PLXDC1: variants seen among roughly 807,000 people sequenced by gnomAD.
The protein encoded by PLXDC1 is plexin domain-containing protein 1.
Under a neutral mutation model 61.3 loss-of-function variants are expected in PLXDC1, and 39 were observed. The observed-to-expected ratio is 0.64, with a 90% CI of 0.49 to 0.83. The LOEUF (loss-of-function observed/expected upper bound fraction) is 0.83. Among genes scored for constraint, PLXDC1 ranks in the 40% least tolerant of loss-of-function variants. The pLI is 0.00. For missense variants in PLXDC1, 596 were observed against 666.5 expected, an observed-to-expected ratio of 0.89 and a Z score of 1.17; for synonymous variants, 212 against 254.5, an observed-to-expected ratio of 0.83 and a Z score of 1.59.
chr17:39,107,057 C>T lies in PLXDC1; in HGVS notation c.711+350G>A, dbSNP rs1910619701. ...CTCTCCTAGAACATACTTCACTCTC[C>T]TCTTTGCTTCCTGAACTCGTATTTA... On this transcript the variant is annotated intron_variant, in intron 6 of 13. Transcript: ENST00000315392. Among the ~76,000 whole-genome samples, 6 of 152,350 alleles carry T rather than the reference C, an allele frequency of 3.9e-5. No individual in the cohort carries two copies. In the South Asian group the frequency reaches 1.2e-3, roughly 32 times the overall value.
intron 7 of PLXDC1, among the ~76,000 whole-genome samples, chr17:39,105,155 T>G (rs1473545770): frequency 6.6e-6 from 1 of 152,080 alleles, no homozygotes; most frequent in Non-Finnish European, 1.5e-5. Context: ...GCAGAACTTG[T>G]GCATACGGCT....
At position 39,067,571 on chromosome 17, in the gene PLXDC1, A is replaced by T. The variant is rs1194090214; in HGVS notation, c.*269T>A. 4 of 338,678 alleles carry T rather than the reference A, an allele frequency of 1.2e-5. No homozygotes were observed. Among genetic ancestry groups the T allele is most frequent in the Non-Finnish European group, 2.2e-5 (4 of 185,694 alleles). The allele number at this position is 338,678 out of a possible 1,614,324, so 21.0% of individuals were successfully genotyped here. ...GTTATGTTAGTTCTTCTGCTGTTTC[A>T]TGGTTACAAGACACAGAAGAGAACC... is the stretch of plus-strand genomic sequence containing the variant. On this transcript the variant is annotated 3_prime_UTR_variant, in exon 14 of 14. Transcript: ENST00000315392.
intron 12 of PLXDC1, among the ~76,000 whole-genome samples, chr17:39,070,956 C>T (rs1694112939): frequency 1.3e-5 from 2 of 152,142 alleles, no homozygotes; most frequent in Non-Finnish European, 2.9e-5. Flanking sequence ...CCAGCATGGG[C>T]GATAGAGTGA....
chr17:39,152,654 A>G, upstream of PLXDC1: 1 of 1,239,886 alleles, frequency 8.1e-7, no homozygotes. Flanking sequence ...AACCGCGGAG[A>G]GGAAGGGTGC....
Position 39,077,940 on chromosome 17 carries a change from GGGA to G in PLXDC1, c.1156_1158del (p.Ser386del). On this transcript the variant is annotated inframe_deletion, in exon 11 of 14. Coordinates refer to ENST00000315392, the MANE Select transcript of PLXDC1 (RefSeq NM_020405.5). ...TCTGTGGTGAGGCTGTCGATGAAGA[GGGA>G]GGAGGAGGTAGTGGTGAGGTCTCCA... 1.2e-6 allele frequency: 2 copies of G among 1,614,128 alleles called. No homozygotes were observed. The highest frequency in any genetic ancestry group is 1.7e-6 in the Non-Finnish European group (2 of 1,179,968).
chr17:39,107,393 C>A lies in PLXDC1; in HGVS notation c.711+14G>T. 6.7e-7 allele frequency: 1 copy of A among 1,496,336 alleles called. No homozygotes were observed. Among genetic ancestry groups the A allele is most frequent in the Non-Finnish European group, 9.2e-7 (1 of 1,086,604 alleles). 92.7% of individuals were successfully genotyped at this position (1,496,336 alleles called of 1,614,324 possible). ...CTCCAAGACCCAGCTGTCTCTGCAG[C>A]TGGGCCCACTCACCTCTTTATAGGC... On this transcript the variant is annotated intron_variant, in intron 6 of 13. Transcript: ENST00000315392.
At position 39,104,625 on chromosome 17, in the gene PLXDC1, A is replaced by G. The variant is rs994486168; in HGVS notation, c.811+1229T>C. 7.9e-5 allele frequency among the ~76,000 whole-genome samples: 12 copies of G among 152,240 alleles called. No homozygotes were observed. The East Asian group carries it at 2.3e-3, about 29-fold the overall frequency. On this transcript the variant is annotated intron_variant, in intron 7 of 13. Transcript: ENST00000315392. ...ATAGCAAGGCCCTGTCTCTACAAAA[A>G]ATAACAAAATTAGCCAGGCATGGTG... is the stretch of plus-strand genomic sequence containing the variant.
chr17:39,141,718 T>C (rs1911939846), intron 1 of PLXDC1, among the ~76,000 whole-genome samples: 1 of 152,234 alleles, frequency 6.6e-6, no homozygotes, highest in East Asian at 1.9e-4. Context: ...GTCATACTGT[T>C]TTCCATATAA....
Position 39,150,196 on chromosome 17 carries a change from G to A in PLXDC1, c.76+1166C>T, listed in dbSNP as rs3025188. Among the ~76,000 whole-genome samples the A allele has an allele frequency of 6.8e-3, 1,032 of 152,174 alleles. 13 individuals are homozygous for A. The highest frequency in any genetic ancestry group is 0.023 in the African/African-American group (960 of 41,522). ...GTTCTCACCAGCAGCTTCTCGGTTC[G>A]TCAGCTCCACTGCCCTCTGCCCATA... On this transcript the variant is annotated intron_variant, in intron 1 of 13. Transcript: ENST00000315392.
intron 2 of PLXDC1, among the ~76,000 whole-genome samples, chr17:39,138,589 C>T (rs572627431): frequency 6.6e-6 from 1 of 152,146 alleles, no homozygotes; most frequent in South Asian, 2.1e-4. Flanking sequence ...TAAGCAAATC[C>T]CTTGGAAATA....
intron 1 of PLXDC1, among the ~76,000 whole-genome samples, chr17:39,146,494 T>C (rs1341593696): frequency 6.6e-6 from 1 of 151,898 alleles, no homozygotes; most frequent in Non-Finnish European, 1.5e-5. Flanking sequence ...CTGGACAACA[T>C]AGCAAGACCC....
chr17:39,140,406 C>G (rs937277914), intron 1 of PLXDC1, among the ~76,000 whole-genome samples: 8 of 152,192 alleles, frequency 5.3e-5, no homozygotes, highest in African/African-American at 1.9e-4. Flanking sequence ...CCAGGGTTCA[C>G]GCCATTCTCC....
At position 39,108,162 on chromosome 17, in the gene PLXDC1, C is replaced by A; in HGVS notation, c.553G>T (p.Gly185Cys). Residue 185 changes from glycine (G) to cysteine (C), a missense_variant, in exon 5 of 14, where the codon GGC becomes TGC. Gly to Cys is a radical substitution (Grantham distance 159). Coordinates refer to ENST00000315392, the MANE Select transcript of PLXDC1 (RefSeq NM_020405.5). ...ACAACTGTGGAGTTGTCGGAGTAGC[C>A]AGGGTTGAAGTTGGCCATCAGGGGC... is the stretch of plus-strand genomic sequence containing the variant. ...VAPLMANFNP[G>C]YSDNSTVVYF... is the part of the protein sequence containing the mutation. 4 of 1,614,146 alleles carry A rather than the reference C, an allele frequency of 2.5e-6. No individual in the cohort carries two copies. Among genetic ancestry groups the A allele is most frequent in the Non-Finnish European group, 3.4e-6 (4 of 1,180,016 alleles).
chr17:39,124,371 T>C (rs114506734), intron 2 of PLXDC1, among the ~76,000 whole-genome samples: 1,727 of 152,004 alleles, frequency 0.011, 32 homozygotes, highest in African/African-American at 0.039. Flanking sequence ...GGAGGGAGGG[T>C]CACTTGAGGC....
Position 39,105,879 on chromosome 17 carries a change from A to G in PLXDC1, c.786T>C (p.Ile262=). ...VKTGLSDAFM[I]LNPSPDVPES... ...CTGGCACATCCGGGGATGGATTGAGAATCATGAAGGCATCCGATAGGCCGG... is the reference window on the plus strand; with the variant it reads ...CTGGCACATCCGGGGATGGATTGAGGATCATGAAGGCATCCGATAGGCCGG... Residue 262 remains isoleucine, a synonymous_variant, in exon 7 of 14, where the codon ATT becomes ATC. Coordinates refer to ENST00000315392, the MANE Select transcript of PLXDC1 (RefSeq NM_020405.5). The G allele has an allele frequency of 6.2e-7, 1 of 1,613,634 alleles. No individual in the cohort carries two copies. Among genetic ancestry groups the G allele is most frequent in the Non-Finnish European group, 8.5e-7 (1 of 1,179,604 alleles).
chr17:39,078,161 CAAGG>C, intron 10 of PLXDC1, 113 bp from the exon 11 acceptor site: 1 of 1,050,522 alleles, frequency 9.5e-7, no homozygotes, highest in Non-Finnish European at 1.4e-6. Context: ...AATCCTTCCT[CAAGG>C]AAGGGGCTGA....
intron 11 of PLXDC1, among the ~76,000 whole-genome samples, chr17:39,073,771 G>T (rs1177126159): frequency 6.6e-6 from 1 of 152,240 alleles, no homozygotes; most frequent in Non-Finnish European, 1.5e-5. Flanking sequence ...GGCTATCAAG[G>T]TGTTCTGTTC....
chr17:39,144,235 GTTTT>G (rs1425380130), intron 1 of PLXDC1, among the ~76,000 whole-genome samples: 1 of 152,156 alleles, frequency 6.6e-6, no homozygotes, highest in Admixed American at 6.6e-5. Flanking sequence ...AGCCCCATCA[GTTTT>G]CCTCTCTAAT....
chr17:39,113,491 A>C (rs1459101268), intron 2 of PLXDC1, among the ~76,000 whole-genome samples: 1 of 152,030 alleles, frequency 6.6e-6, no homozygotes, highest in African/African-American at 2.4e-5. Context: ...CCCCAGTTGC[A>C]CTCAGAACAA....
Sources: gnomAD v4.1 joint callset for allele counts (sites outside exome capture counted in the v4.1 genomes callset) on GRCh38, gnomAD v4.1.1 for gene constraint, MANE v1.5 for transcripts, NCBI Gene and HGNC (gene_info 2026-07-23, HGNC 2026-07-21) for gene names.